MYH11: variants seen among roughly 807,000 people sequenced by gnomAD.
MYH11 encodes myosin-11.
MYH11 carries 80 observed loss-of-function variants against 246.6 expected under a neutral mutation model. The ratio of observed to expected loss-of-function variants is 0.32; its 90% CI spans 0.27 to 0.39. The LOEUF is 0.39. MYH11 is among the 10% of genes least tolerant of loss of function. MYH11 has a pLI of 1.00. For missense variants in MYH11, 2,158 were observed against 2,546.8 expected (o/e 0.85, Z 3.29); for synonymous variants, 1,071 against 1,015.5 (o/e 1.05, Z -1.04).
In MYH11 at chr16:15,714,890, C is replaced by G. The variant is rs759479052; in HGVS notation, c.5786+19G>C. The G allele has an allele frequency of 5.3e-5, 86 of 1,612,636 alleles. No individual in the cohort carries two copies. The highest frequency in any genetic ancestry group is 7.1e-5 in the Non-Finnish European group (84 of 1,179,956). ...TCTGGCCTGAGAGACGGGGTCCTCC[C>G]GGGCCACGGGCTCCTCACCTGAGCT... On this transcript the variant is annotated intron_variant, in intron 40 of 40. Coordinates refer to ENST00000300036, the MANE Select transcript of MYH11 (RefSeq NM_002474.3).
chr16:15,791,069 C>T (rs983401690), intron 4 of MYH11: 1 of 150,194 alleles, frequency 6.7e-6, no homozygotes, highest in African/African-American at 2.5e-5. Context: ...GATTCTCCTG[C>T]CTCAACCTCC....
chr16:15,796,303 G>A (rs1338521932), intron 4 of MYH11, among the ~76,000 whole-genome samples: 5 of 152,164 alleles, frequency 3.3e-5, no homozygotes, highest in Non-Finnish European at 7.4e-5. Context: ...GGATAGCACC[G>A]TTTTAGATGA....
At chr16:15,740,610 CAAA>C (rs576634565) in intron 22 of MYH11, among the ~76,000 whole-genome samples, 2 of 110,472 alleles carry the variant, frequency 1.8e-5, no homozygotes. Flanking sequence ...GACTCTGTCT[CAAA>C]AAAAAAAAAA....
intron 40 of MYH11, among the ~76,000 whole-genome samples, chr16:15,709,726 C>T (rs1373011402): frequency 6.6e-6 from 1 of 152,170 alleles, no homozygotes; most frequent in East Asian, 1.9e-4. Context: ...TTTGAGCAAG[C>T]TAGTTTGAGA....
intron 1 of MYH11, among the ~76,000 whole-genome samples, chr16:15,847,170 G>A (rs1038772985): frequency 1.1e-4 from 16 of 151,638 alleles, no homozygotes; most frequent in Non-Finnish European, 2.1e-4. Context: ...TTGTGCAGAT[G>A]GTAGCCAATT....
intron 40 of MYH11, among the ~76,000 whole-genome samples, chr16:15,710,537 GAA>G (rs1306332404): frequency 1.4e-5 from 2 of 145,284 alleles, no homozygotes. Flanking sequence ...ATAATAAAAA[GAA>G]AAGAAATCAC....
chr16:15,831,760 G>A lies in MYH11; in HGVS notation c.345+6148C>T, dbSNP rs566562768. ...TCAAGACCAACCTGGCCAACATGGT[G>A]AAACCACTTCTCTACTAAAAATACA... On this transcript the variant is annotated intron_variant, in intron 2 of 40. Transcript: ENST00000300036. Among the ~76,000 whole-genome samples, 127 of 152,100 alleles carry A rather than the reference G, an allele frequency of 8.3e-4. 1 individual carries two copies. Among genetic ancestry groups the A allele is most frequent in the African/African-American group, 3.0e-3 (126 of 41,486 alleles).
intron 9 of MYH11, among the ~76,000 whole-genome samples, chr16:15,769,995 C>G (rs1452716400): frequency 1.3e-5 from 2 of 152,148 alleles, no homozygotes; most frequent in African/African-American, 4.8e-5. Context: ...TAAAACTATA[C>G]TGAACAGTGT....
intron 35 of MYH11, 53 bp downstream of exon 35, chr16:15,719,532 G>A: frequency 6.2e-7 from 1 of 1,611,780 alleles, no homozygotes; most frequent in Non-Finnish European, 8.5e-7. Context: ...GCTGCCAAGG[G>A]GTGCTACCGT....
In MYH11 at chr16:15,817,210, G is replaced by A. The variant is rs368095136; in HGVS notation, c.502+6045C>T. ...TAACATCTTTCCAAAAACAAACCAC[G>A]GCCGGGCGCAGTGGCTCATGCCTGT... On this transcript the variant is annotated intron_variant, in intron 3 of 40. Coordinates refer to ENST00000300036, the MANE Select transcript of MYH11 (RefSeq NM_002474.3). Among the ~76,000 whole-genome samples the A allele has an allele frequency of 1.6e-4, 24 of 152,252 alleles. No individual in the cohort carries two copies. The East Asian group carries it at 2.5e-3, about 16-fold the overall frequency.
At chr16:15,801,431 G>A (rs2151325573) in intron 3 of MYH11, among the ~76,000 whole-genome samples, 1 of 152,128 alleles carries the variant, frequency 6.6e-6, no homozygotes, top group Admixed American at 6.5e-5. Flanking sequence ...TGAGATGGGA[G>A]GATCACTTGA....
rs145296915 is a variant in MYH11, at chr16:15,766,908, G to A, written c.1034-3017C>T. Among the ~76,000 whole-genome samples the A allele has an allele frequency of 1.6e-3, 244 of 152,322 alleles. 2 individuals are homozygous for A. The East Asian group carries it at 0.029, about 18-fold the overall frequency. On this transcript the variant is annotated intron_variant, in intron 9 of 40. Transcript: ENST00000300036. ...AACACAGCAAGGGTGGTGACGGCTGGCAGCATCCTGGTGTGCTGGTGCAAA... is the reference window on the plus strand; with the variant it reads ...AACACAGCAAGGGTGGTGACGGCTGACAGCATCCTGGTGTGCTGGTGCAAA...
At chr16:15,731,561 A>C (rs1293765018) in intron 27 of MYH11, among the ~76,000 whole-genome samples, 1 of 150,774 alleles carries the variant, frequency 6.6e-6, no homozygotes, top group East Asian at 1.9e-4. Context: ...GCACGATCTG[A>C]GCTCACTGCA....
intron 2 of MYH11, among the ~76,000 whole-genome samples, chr16:15,836,719 CTTTTTTTTTTT>C (rs780997939): frequency 6.3e-5 from 6 of 95,122 alleles, no homozygotes; most frequent in Non-Finnish European, 1.3e-4. Context: ...TTTAATGTTT[CTTTTTTTTTTT>C]TTTTTTTTTT....
intron 3 of MYH11, among the ~76,000 whole-genome samples, chr16:15,806,018 C>G (rs972390209): frequency 3.3e-5 from 5 of 151,980 alleles, no homozygotes; most frequent in Non-Finnish European, 7.4e-5. Context: ...GTGGCTCACA[C>G]CTGTAATCCC....
intron 27 of MYH11, among the ~76,000 whole-genome samples, chr16:15,728,806 A>G (rs772278761): frequency 2.8e-4 from 43 of 152,202 alleles, no homozygotes; most frequent in Non-Finnish European, 5.6e-4. Context: ...AGGCTGAAGC[A>G]GGAGAATTGC....
At chr16:15,853,563 T>A (rs1285430917) in intron 1 of MYH11, among the ~76,000 whole-genome samples, 2 of 152,224 alleles carry the variant, frequency 1.3e-5, no homozygotes, top group Non-Finnish European at 1.5e-5. Context: ...GAGCAGCTTC[T>A]TCCTCTGTCC....
chr16:15,808,202 T>C (rs1413532253), intron 3 of MYH11, among the ~76,000 whole-genome samples: 1 of 152,190 alleles, frequency 6.6e-6, no homozygotes, highest in African/African-American at 2.4e-5. Context: ...GGTGTGACTG[T>C]GAAGGTGGCC....
At chr16:15,728,369 A>AAAAC (rs375413391) in intron 27 of MYH11, among the ~76,000 whole-genome samples, 72 of 151,932 alleles carry the variant, frequency 4.7e-4, no homozygotes, top group African/African-American at 1.7e-3. Flanking sequence ...CTTAAAAACA[A>AAAAC]AAACAAAAAA....
Sources: gnomAD v4.1 joint callset for allele counts (sites outside exome capture counted in the v4.1 genomes callset) on GRCh38, gnomAD v4.1.1 for gene constraint, MANE v1.5 for transcripts, NCBI Gene and HGNC (gene_info 2026-07-23, HGNC 2026-07-21) for gene names.